The following NCKAP5 variants were observed in gnomAD, a reference collection of about 807,000 sequenced individuals.
NCKAP5 encodes NCK associated protein 5.
In NCKAP5, 92 loss-of-function variants were observed where a neutral mutation model predicts 167.0. That is an observed-to-expected ratio of 0.55 (90% CI 0.47 to 0.66). The LOEUF (loss-of-function observed/expected upper bound fraction) is 0.66, where lower values mean the gene tolerates loss of function less well. Among genes scored for constraint, NCKAP5 ranks in the 30% least tolerant of loss-of-function variants. The probability of loss-of-function intolerance (pLI) is 0.00; values close to 1 mark genes in which losing one functional copy is unlikely to be tolerated. For synonymous variants in NCKAP5, 891 were observed against 877.4 expected (o/e 1.02, Z -0.27); for missense variants, 2,378 against 2,315.0 (o/e 1.03, Z -0.56).
At chr2:133,026,735 G>A (rs1174724668) in intron 6 of NCKAP5, among the ~76,000 whole-genome samples, 1 of 152,138 alleles carries the variant, frequency 6.6e-6, no homozygotes, top group Non-Finnish European at 1.5e-5. Flanking sequence ...TGCTGGCCTC[G>A]AATTCCTTCT....
intron 8 of NCKAP5, chr2:132,954,620 T>C: frequency 2.2e-6 from 1 of 453,304 alleles, no homozygotes; most frequent in Non-Finnish European, 4.4e-6. Flanking sequence ...ATCATATTTT[T>C]GAAAAGTATT....
chr2:133,417,480 C>T (rs1689191829), intron 3 of NCKAP5, among the ~76,000 whole-genome samples: 1 of 152,230 alleles, frequency 6.6e-6, no homozygotes. Flanking sequence ...TGGCAAGTGA[C>T]CGTGAACTGC....
At chr2:133,545,505 C>T (rs1365741063) in intron 2 of NCKAP5, among the ~76,000 whole-genome samples, 1 of 152,108 alleles carries the variant, frequency 6.6e-6, no homozygotes, top group Non-Finnish European at 1.5e-5. Context: ...CATTGATCAG[C>T]ATCATGATAC....
At chr2:133,260,626 T>C (rs2088854501) in intron 4 of NCKAP5, among the ~76,000 whole-genome samples, 3 of 152,056 alleles carry the variant, frequency 2.0e-5, no homozygotes, top group East Asian at 1.9e-4. Flanking sequence ...ACAATCACAA[T>C]AGGAAAAAAC....
chr2:132,736,107 C>T (rs1691480194), intron 16 of NCKAP5, among the ~76,000 whole-genome samples: 1 of 152,020 alleles, frequency 6.6e-6, no homozygotes, highest in Non-Finnish European at 1.5e-5. Flanking sequence ...ATTACAGATG[C>T]CAAATGTAGT....
intron 11 of NCKAP5, among the ~76,000 whole-genome samples, chr2:132,811,717 A>T (rs974996127): frequency 2.0e-5 from 3 of 152,148 alleles, no homozygotes; most frequent in East Asian, 3.9e-4. Flanking sequence ...GAAAGAAAAA[A>T]GGCTTGGTTC....
intron 8 of NCKAP5, among the ~76,000 whole-genome samples, chr2:132,921,269 C>T (rs1278563969): frequency 6.6e-6 from 1 of 152,086 alleles, no homozygotes; most frequent in East Asian, 1.9e-4. Context: ...GTATAATCCT[C>T]CTTCTCTAAG....
chr2:133,529,216 ATAGAG>A (rs1558758178), intron 2 of NCKAP5, among the ~76,000 whole-genome samples: 3 of 152,222 alleles, frequency 2.0e-5, no homozygotes, highest in Non-Finnish European at 1.5e-5. Flanking sequence ...ACAAATGTAT[ATAGAG>A]TATAATATGA....
chr2:133,499,015 C>T (rs1682238128), intron 3 of NCKAP5, among the ~76,000 whole-genome samples: 2 of 152,226 alleles, frequency 1.3e-5, no homozygotes, highest in Non-Finnish European at 2.9e-5. Context: ...ATACTGAGTT[C>T]TAATACAGGT....
chr2:132,717,591 C>G (rs1689487162), intron 19 of NCKAP5, among the ~76,000 whole-genome samples: 1 of 152,216 alleles, frequency 6.6e-6, no homozygotes, highest in African/African-American at 2.4e-5. Context: ...TTATGAATCT[C>G]TAAATATCCA....
At chr2:133,347,583 T>TATAAC (rs1684065843) in intron 3 of NCKAP5, among the ~76,000 whole-genome samples, 1 of 149,038 alleles carries the variant, frequency 6.7e-6, no homozygotes, top group Admixed American at 6.7e-5. Context: ...AAATAATTAA[T>TATAAC]ATAATATAAT....
chr2:133,509,644 G>T (rs1490019345), intron 3 of NCKAP5, among the ~76,000 whole-genome samples: 4 of 152,194 alleles, frequency 2.6e-5, no homozygotes, highest in Non-Finnish European at 5.9e-5. Flanking sequence ...CTACAGTCAG[G>T]GGTGATTTTT....
chr2:132,738,837 C>T (rs1472952281), intron 16 of NCKAP5, among the ~76,000 whole-genome samples: 2 of 151,982 alleles, frequency 1.3e-5, no homozygotes, highest in Non-Finnish European at 2.9e-5. Context: ...TAAACAACAG[C>T]TCTCGTGTGA....
At chr2:133,562,144 T>TGAA (rs1364046824) in intron 1 of NCKAP5, among the ~76,000 whole-genome samples, 1 of 149,964 alleles carries the variant, frequency 6.7e-6, no homozygotes, top group Non-Finnish European at 1.5e-5. Flanking sequence ...TAAAAACAGC[T>TGAA]GAAGAAAAAA....
At position 133,323,691 on chromosome 2, in the gene NCKAP5, G is replaced by A. The variant is rs1020754324; in HGVS notation, c.70-20581C>T. ...TACAGTTGGAGCAGGAGATGGGGGC[G>A]CTACTGGCAGCCAAAGAAATGGACA... On this transcript the variant is annotated intron_variant, in intron 3 of 19. Transcript: ENST00000409261. 7.9e-5 allele frequency among the ~76,000 whole-genome samples: 12 copies of A among 152,288 alleles called. No homozygotes were observed. The South Asian group carries it at 1.2e-3, about 16-fold the overall frequency.
rs1695267964 is a variant in NCKAP5 at position 132,920,699 on chromosome 2, ATACG to A, written c.580-41787_580-41784del. Among the ~76,000 whole-genome samples, 8 of 124,636 alleles carry A rather than the reference ATACG, an allele frequency of 6.4e-5. 1 individual carries two copies. The highest frequency in any genetic ancestry group is 2.3e-4 in the African/African-American group (7 of 29,844). The allele number at this position is 124,636 out of a possible 152,430, so 81.8% of individuals were successfully genotyped here. ...TATATAAGTTAGTTTATATATATAT[ATACG>A]TATATGTATATATATGTATATATAT... On this transcript the variant is annotated intron_variant, in intron 8 of 19. Transcript: ENST00000409261.
intron 16 of NCKAP5, among the ~76,000 whole-genome samples, chr2:132,737,849 T>C (rs1281524557): frequency 1.3e-5 from 2 of 152,202 alleles, no homozygotes; most frequent in Non-Finnish European, 2.9e-5. Flanking sequence ...ATTTGATTCA[T>C]CTCCTCCATT....
At chr2:133,327,838 G>C (rs894034403) in intron 3 of NCKAP5, among the ~76,000 whole-genome samples, 1 of 152,130 alleles carries the variant, frequency 6.6e-6, no homozygotes, top group Admixed American at 6.5e-5. Flanking sequence ...GTGCTTCTCA[G>C]TGGGGGATGA....
intron 6 of NCKAP5, chr2:133,118,612 G>A (rs2082156680): frequency 1.3e-5 from 2 of 150,578 alleles, no homozygotes; most frequent in Admixed American, 1.3e-4. Flanking sequence ...GCTGCAAAAT[G>A]CCAGCAAGAA....
Sources: allele counts gnomAD v4.1 joint callset (sites outside exome capture counted in the v4.1 genomes callset), GRCh38; gene constraint gnomAD v4.1.1; transcripts MANE v1.5; gene names NCBI Gene and HGNC (gene_info 2026-07-23, HGNC 2026-07-21).